Variants in CCDC30 observed in about 807,000 individuals in gnomAD.
CCDC30 encodes the protein coiled-coil domain-containing protein 30.
CCDC30 carries 70 observed loss-of-function variants against 100.2 expected under a neutral mutation model. The ratio of observed to expected loss-of-function variants is 0.70; its 90% confidence interval spans 0.58 to 0.85. The LOEUF is 0.85. Among genes scored for constraint, CCDC30 ranks in the 40% least tolerant of loss-of-function variants. The pLI is 0.00. For missense variants in CCDC30, 652 were observed against 771.2 expected, an observed-to-expected ratio of 0.85 and a Z score of 1.83; for synonymous variants, 233 against 269.5, an observed-to-expected ratio of 0.86 and a Z score of 1.33.
At chr1:42,566,065 T>C (rs1645599732) in intron 6 of CCDC30, among the ~76,000 whole-genome samples, 1 of 152,226 alleles carries the variant, frequency 6.6e-6, no homozygotes, top group South Asian at 2.1e-4. Flanking sequence ...CTAACTGCTT[T>C]TGTTAACATA....
chr1:42,584,730 G>A (rs2148598409), intron 9 of CCDC30, among the ~76,000 whole-genome samples: 1 of 152,306 alleles, frequency 6.6e-6, no homozygotes, highest in East Asian at 1.9e-4. Context: ...AAAACGTTTA[G>A]AGACAAGGAA....
intron 6 of CCDC30, among the ~76,000 whole-genome samples, chr1:42,547,620 G>A (rs7516669): frequency 0.2 from 30,446 of 152,072 alleles, 3,363 homozygotes; most frequent in South Asian, 0.42. Context: ...CCTGTTTCCA[G>A]GACTTGGTCC....
intron 11 of CCDC30, among the ~76,000 whole-genome samples, chr1:42,612,460 G>T (rs990615793): frequency 6.6e-6 from 1 of 152,228 alleles, no homozygotes; most frequent in Non-Finnish European, 1.5e-5. Context: ...TCCTCCCTCA[G>T]ATCAGGAACC....
intron 11 of CCDC30, among the ~76,000 whole-genome samples, chr1:42,629,725 G>A (rs938203869): frequency 1.3e-5 from 2 of 151,250 alleles, no homozygotes; most frequent in Admixed American, 6.6e-5. Flanking sequence ...TCTGCCTCCC[G>A]GGTTCAAGCA....
intron 6 of CCDC30, chr1:42,500,320 A>G (rs1644290430): frequency 2.5e-6 from 4 of 1,608,782 alleles, no homozygotes; most frequent in South Asian, 1.1e-5. Flanking sequence ...CATCTCAGCC[A>G]TATCGGGTTT....
intron 6 of CCDC30, among the ~76,000 whole-genome samples, chr1:42,557,877 G>T (rs1456048225): frequency 7.1e-6 from 1 of 140,354 alleles, no homozygotes; most frequent in Non-Finnish European, 1.5e-5. Flanking sequence ...TTAATTTACA[G>T]ATGAATAAAT....
At chr1:42,532,979 G>A (rs549299829) in intron 6 of CCDC30, among the ~76,000 whole-genome samples, 3 of 152,002 alleles carry the variant, frequency 2.0e-5, no homozygotes, top group Non-Finnish European at 4.4e-5. Flanking sequence ...CTGTGGTATC[G>A]ATCTCCTGAC....
At chr1:42,522,499 G>A (rs867069709) in intron 6 of CCDC30, among the ~76,000 whole-genome samples, 11 of 151,862 alleles carry the variant, frequency 7.2e-5, no homozygotes, top group African/African-American at 2.7e-4. Context: ...ATTTCCATTT[G>A]TGTATATTCT....
chr1:42,614,207 A>G (rs1007582756), intron 11 of CCDC30, among the ~76,000 whole-genome samples: 6 of 150,062 alleles, frequency 4.0e-5, no homozygotes, highest in Non-Finnish European at 5.9e-5. Flanking sequence ...CAGCCTCCCG[A>G]GTAGCTGGGA....
upstream of CCDC30, chr1:42,459,873 A>G (rs1246014000): frequency 2.5e-6 from 4 of 1,613,880 alleles, no homozygotes; most frequent in African/African-American, 5.3e-5. Context: ...AGAAGAGAAG[A>G]TAGTGGATAA....
intron 12 of CCDC30, among the ~76,000 whole-genome samples, chr1:42,639,638 A>G (rs1337806557): frequency 6.6e-6 from 1 of 152,162 alleles, no homozygotes; most frequent in African/African-American, 2.4e-5. Flanking sequence ...CCCTGCCTGT[A>G]AGCTTGGACA....
chr1:42,523,610 G>A (rs554252912), intron 6 of CCDC30, among the ~76,000 whole-genome samples: 1 of 152,152 alleles, frequency 6.6e-6, no homozygotes, highest in Admixed American at 6.5e-5. Context: ...TGAGCCTCTT[G>A]GTTGTTTGTA....
At chr1:42,620,559 A>C (rs1193299113) in intron 11 of CCDC30, among the ~76,000 whole-genome samples, 1 of 151,022 alleles carries the variant, frequency 6.6e-6, no homozygotes, top group Non-Finnish European at 1.5e-5. Context: ...AGTTATTCAA[A>C]GTATGTGGGA....
intron 6 of CCDC30, among the ~76,000 whole-genome samples, chr1:42,508,056 G>T (rs185776581): frequency 6.6e-6 from 1 of 152,282 alleles, no homozygotes; most frequent in Admixed American, 6.5e-5. Context: ...TACCCAGACA[G>T]AAGATTTAGC....
intron 10 of CCDC30, among the ~76,000 whole-genome samples, chr1:42,604,511 C>T (rs1318353061): frequency 6.6e-6 from 1 of 152,148 alleles, no homozygotes; most frequent in Non-Finnish European, 1.5e-5. Context: ...ATACATGTAG[C>T]CATTGAATCA....
At chr1:42,618,547 A>T (rs1156922803) in intron 11 of CCDC30, among the ~76,000 whole-genome samples, 2 of 152,176 alleles carry the variant, frequency 1.3e-5, no homozygotes, top group African/African-American at 2.4e-5. Flanking sequence ...AAAACCAGTG[A>T]TATCTTTTAC....
Position 42,629,969 on chromosome 1 carries a change from ATTTTTTTT to A in CCDC30, c.1278-7252_1278-7245del, listed in dbSNP as rs4019432. Among the ~76,000 whole-genome samples, 87 of 90,124 alleles carry A rather than the reference ATTTTTTTT, an allele frequency of 9.7e-4. 1 individual carries two copies. The highest frequency in any genetic ancestry group is 3.4e-3 in the African/African-American group (77 of 22,778). The allele number at this position is 90,124 out of a possible 152,430, so 59.1% of individuals were successfully genotyped here. The stretch of plus-strand genomic sequence containing the variant: ...CAATAACTCTTAGATATGTCCCCCT[ATTTTTTTT>A]TTTTTTTTTTTTTTTGAGATGAAGT... On this transcript the variant is annotated intron_variant, in intron 11 of 16. Transcript: ENST00000668663.
At chr1:42,597,137 C>T (rs1053473938) in intron 10 of CCDC30, among the ~76,000 whole-genome samples, 2 of 152,002 alleles carry the variant, frequency 1.3e-5, no homozygotes, top group South Asian at 4.1e-4. Context: ...ACAAAAACAA[C>T]AGAATATCTA....
rs144126343 is a variant in CCDC30 at position 42,532,056 on chromosome 1, C to A, written c.456+33140C>A. Among the ~76,000 whole-genome samples, 789 of 152,204 alleles carry A rather than the reference C, an allele frequency of 5.2e-3. 8 individuals carry two copies. Among genetic ancestry groups the A allele is most frequent in the African/African-American group, 0.018 (762 of 41,538 alleles). On this transcript the variant is annotated intron_variant, in intron 6 of 16. Transcript: ENST00000668663. Reference sequence around the variant, plus strand: ...CCTATAATCCTAGCACTTCGGGAGGCCAAAGTGGGAGGATTGCTTGAGCCT... The same window carrying A: ...CCTATAATCCTAGCACTTCGGGAGGACAAAGTGGGAGGATTGCTTGAGCCT...
Sources: allele counts gnomAD v4.1 joint callset (sites outside exome capture counted in the v4.1 genomes callset), GRCh38; gene constraint gnomAD v4.1.1; transcripts MANE v1.5; gene names NCBI Gene and HGNC (gene_info 2026-07-23, HGNC 2026-07-21).